Variants in TEKT4 observed in about 807,000 individuals in gnomAD.
The protein encoded by TEKT4 is tektin 4, also known as tektin-4.
TEKT4 carries 46 observed loss-of-function variants against 46.0 expected under a neutral mutation model. The observed-to-expected ratio is 1.00, with a 90% CI of 0.79 to 1.28. TEKT4 has a LOEUF of 1.28. Ranked by LOEUF, TEKT4 falls within the 50% of genes most tolerant of loss-of-function variation. The pLI is 0.00. For missense variants in TEKT4, 790 were observed against 622.9 expected, an observed-to-expected ratio of 1.27 and a Z score of -2.85; for synonymous variants, 325 against 265.8, an observed-to-expected ratio of 1.22 and a Z score of -2.17.
intron 5 of TEKT4, among the ~76,000 whole-genome samples, chr2:94,876,091 C>T (rs1553396438): frequency 6.6e-6 from 1 of 152,206 alleles, no homozygotes; most frequent in Non-Finnish European, 1.5e-5. Flanking sequence ...TCCCTGCTGC[C>T]CTGAGCGTGC....
At chr2:94,875,453 A>G in intron 4 of TEKT4, 135 bp from the exon 5 acceptor site, 1 of 1,353,114 alleles carries the variant, frequency 7.4e-7, no homozygotes, top group East Asian at 2.3e-5. Flanking sequence ...CCCCTCATCC[A>G]CGCCTCCCCA....
intron 3 of TEKT4, 23 bp from the exon 4 acceptor site, chr2:94,874,753 C>T (rs1553395784): frequency 6.5e-7 from 1 of 1,535,384 alleles, no homozygotes; most frequent in Non-Finnish European, 8.7e-7. Flanking sequence ...CCGACCCTCT[C>T]CTGGCTGTCC....
chr2:94,876,823 C>A lies in TEKT4; in HGVS notation c.*54C>A, dbSNP rs539813058. 1.2e-4 allele frequency: 177 copies of A among 1,521,496 alleles called. No homozygotes were observed. The African/African-American group carries it at 1.9e-3, about 16-fold the overall frequency. 94.2% of individuals were successfully genotyped at this position (1,521,496 alleles called of 1,614,324 possible). A position where few individuals can be genotyped will look rare whatever the true frequency, so the allele number is the denominator to read the frequency against. On this transcript the variant is annotated 3_prime_UTR_variant, in exon 6 of 6. Transcript: ENST00000295201. ...CCCAAATAAACAGCGCGTTAGCTTT[C>A]TGCACAGTGTGTGTGTGTGCACGGT...
rs146835759 is a variant in TEKT4 at position 94,874,825 on chromosome 2, C to G, written c.763C>G (p.Arg255Gly). The G allele has an allele frequency of 7.5e-6, 12 of 1,604,166 alleles. 1 individual carries two copies. The highest frequency in any genetic ancestry group is 1.7e-5 in the Admixed American group (1 of 59,102). The change falls in exon 4 of 6, where the codon CGT becomes GGT. Residue 255 changes from arginine to glycine, a missense_variant. Physicochemically the swap from Arg to Gly is moderately radical, Grantham distance 125. Coordinates refer to ENST00000295201, the MANE Select transcript of TEKT4 (RefSeq NM_144705.4). ...RAKFTQDNLC[R>G]AQRERLASAN... is the part of the protein sequence containing the mutation. Reference sequence around the variant, plus strand: ...CAAGTTCACGCAGGACAATCTGTGCCGTGCCCAGCGCGAGCGCCTGGCCTC... The same window carrying G: ...CAAGTTCACGCAGGACAATCTGTGCGGTGCCCAGCGCGAGCGCCTGGCCTC...
chr2:94,874,900 G>A lies in TEKT4; in HGVS notation c.838G>A (p.Asp280Asn), dbSNP rs1325509218. Residue 280 changes from aspartate (D) to asparagine (N), a missense_variant, in exon 4 of 6, where the codon GAC becomes AAC. Physicochemically the swap from Asp to Asn is conservative, Grantham distance 23 (BLOSUM62 1). Transcript: ENST00000295201. The part of the protein sequence containing the change: ...VDCILRDTSE[D>N]LRLQCDAVNL... The stretch of plus-strand genomic sequence containing the variant: ...CTGCATCCTTCGCGACACCTCCGAG[G>A]ACCTGCGGCTCCAGTGCGACGCCGT... 2 of 1,612,056 alleles carry A rather than the reference G, an allele frequency of 1.2e-6. No homozygotes were observed. The highest frequency in any genetic ancestry group is 1.3e-5 in the African/African-American group (1 of 75,016).
Position 94,871,479 on chromosome 2 carries a change from A to G in TEKT4, c.-101A>G. 1 of 1,401,750 alleles carries G rather than the reference A, an allele frequency of 7.1e-7. No individual in the cohort carries two copies. Among genetic ancestry groups the G allele is most frequent in the Non-Finnish European group, 9.4e-7 (1 of 1,062,848 alleles). 86.8% of individuals were successfully genotyped at this position (1,401,750 alleles called of 1,614,324 possible). ...ACTGGGAGCCGCGTCCTGCTCTGGGACTGAGCCGTTGGAGCTGCCCCGCTG... is the reference window on the plus strand; with the variant it reads ...ACTGGGAGCCGCGTCCTGCTCTGGGGCTGAGCCGTTGGAGCTGCCCCGCTG... On this transcript the variant is annotated 5_prime_UTR_variant, in exon 1 of 6. Coordinates refer to ENST00000295201, the MANE Select transcript of TEKT4 (RefSeq NM_144705.4).
In TEKT4 at chr2:94,872,029, C is replaced by G. The variant is rs782446044; in HGVS notation, c.450C>G (p.Arg150=). The change falls in exon 1 of 6, where the codon CGC becomes CGG. Residue 150 remains arginine (R), a synonymous_variant. Coordinates refer to ENST00000295201, the MANE Select transcript of TEKT4 (RefSeq NM_144705.4). ...ACAACCTGCAGTGCCGTGAGCGCCGCGAGCACCCCAACCTCGTGCGCGACC... is the reference window on the plus strand; with the variant it reads ...ACAACCTGCAGTGCCGTGAGCGCCGGGAGCACCCCAACCTCGTGCGCGACC... ...TTDNLQCRER[R]EHPNLVRDHV... 6.4e-7 allele frequency: 1 copy of G among 1,568,630 alleles called. No individual in the cohort carries two copies. The highest frequency in any genetic ancestry group is 1.2e-5 in the South Asian group (1 of 85,824).
At position 94,871,711 on chromosome 2, in the gene TEKT4, G is replaced by A; in HGVS notation, c.132G>A (p.Trp44Ter). 2 of 1,612,616 alleles carry A rather than the reference G, an allele frequency of 1.2e-6. No individual in the cohort carries two copies. The highest frequency in any genetic ancestry group is 1.7e-5 in the Admixed American group (1 of 60,034). Residue 44 changes from tryptophan (W) to a stop codon, truncating the protein, a stop_gained, in exon 1 of 6, where the codon TGG (tryptophan) becomes TGA (stop). Transcript: ENST00000295201. LOFTEE classifies it high-confidence loss of function. ...CCTCCAAGTACCTGCTGGAGGAGTG[G>A]TTCCAGAACTGCTATGCTCGCTACC... ...FRTSKYLLEE[W>*]FQNCYARYHQ...
At chr2:94,872,473 T>C (rs1680621765) in intron 1 of TEKT4, 2 of 332,296 alleles carry the variant, frequency 6.0e-6, no homozygotes, top group Non-Finnish European at 1.1e-5. Context: ...TGGGAGCCAC[T>C]GCTCCCATTC....
chr2:94,875,575 G>T lies in TEKT4; in HGVS notation c.937-13G>T. 1 of 1,614,044 alleles carries T rather than the reference G, an allele frequency of 6.2e-7. No homozygotes were observed. The highest frequency in any genetic ancestry group is 8.5e-7 in the Non-Finnish European group (1 of 1,179,916). The stretch of plus-strand genomic sequence containing the variant: ...TGGGGGCACAGGCCCAAGGAGAACT[G>T]TCCTGTCTGCAGACACTGCGGGAAA... On this transcript the variant is annotated splice_polypyrimidine_tract_variant and intron_variant, in intron 4 of 5. Transcript: ENST00000295201.
In TEKT4 at chr2:94,876,699, T is replaced by G; in HGVS notation, c.1238T>G (p.Ile413Ser). The change falls in exon 6 of 6, where the codon ATC (isoleucine) becomes AGC (serine). Residue 413 changes from isoleucine (I) to serine (S), a missense_variant. Physicochemically the swap from Ile to Ser is moderately radical, Grantham distance 142. Transcript: ENST00000295201. Reference protein sequence around the residue: ...DIAAMTNSLFIDRQKCMAHRT... With the variant: ...DIAAMTNSLFSDRQKCMAHRT... ...GCCGCCATGACCAACAGTCTCTTCA[T>G]CGACCGCCAGAAGTGCATGGCCCAT... The G allele has an allele frequency of 1.2e-6, 2 of 1,612,944 alleles. No homozygotes were observed. The highest frequency in any genetic ancestry group is 1.3e-5 in the African/African-American group (1 of 75,060).
In TEKT4 at chr2:94,876,534, ACCC is replaced by A; in HGVS notation, c.1092-14_1092-12del. 5 of 1,588,032 alleles carry A rather than the reference ACCC, an allele frequency of 3.1e-6. No individual in the cohort carries two copies. Among genetic ancestry groups the A allele is most frequent in the East Asian group, 2.3e-5 (1 of 43,678 alleles). On this transcript the variant is annotated splice_polypyrimidine_tract_variant and intron_variant, in intron 5 of 5. Transcript: ENST00000295201. ...TCTGCCCTCCCTAGCCCCGGCTCAC[ACCC>A]CCCCAACACCCCCAGGCTGTTGAGT...
Position 94,875,677 on chromosome 2 carries a change from G to A in TEKT4, c.1026G>A (p.Gln342=), listed in dbSNP as rs781944484. ...KDKEAPLHVA[Q]TRLYLRSHRP... is the part of the protein sequence containing the mutation. ...AAGAGGCACCTCTGCACGTAGCCCA[G>A]ACCCGGCTGTACCTGCGCTCGCACC... Residue 342 remains glutamine (Q), a synonymous_variant, in exon 5 of 6, where the codon CAG becomes CAA. Coordinates refer to ENST00000295201, the MANE Select transcript of TEKT4 (RefSeq NM_144705.4). The A allele has an allele frequency of 3.1e-6, 5 of 1,614,184 alleles. No homozygotes were observed. Among genetic ancestry groups the A allele is most frequent in the South Asian group, 2.2e-5 (2 of 91,080 alleles).
chr2:94,871,924 G>A lies in TEKT4; in HGVS notation c.345G>A (p.Glu115=), dbSNP rs1202229406. The part of the protein sequence containing the change: ...LQREMEALAA[E]TNLLLAQKQR... The stretch of plus-strand genomic sequence containing the variant: ...GTGAGATGGAGGCGCTGGCTGCGGA[G>A]ACCAACTTGCTCCTGGCCCAGAAGC... Residue 115 remains glutamate, a synonymous_variant, in exon 1 of 6, where the codon GAG becomes GAA. Transcript: ENST00000295201. 3 of 1,598,870 alleles carry A rather than the reference G, an allele frequency of 1.9e-6. No homozygotes were observed. The highest frequency in any genetic ancestry group is 2.7e-5 in the African/African-American group (2 of 74,828).
At chr2:94,873,446 G>A in intron 1 of TEKT4, 74 bp from the exon 2 acceptor site, 1 of 1,608,134 alleles carries the variant, frequency 6.2e-7, no homozygotes, top group South Asian at 1.1e-5. Flanking sequence ...TGTTGACCAA[G>A]GCCTGCAGCA....
rs782749990 is a variant in TEKT4 at position 94,874,784 on chromosome 2, C to A, written c.722C>A (p.Thr241Asn). The change falls in exon 4 of 6, where the codon ACC becomes AAC. Residue 241 changes from threonine to asparagine, a missense_variant. Transcript: ENST00000295201. ...TGTCCCCCGCCCCGCAGCGCCTCCA[C>A]CCCGGAGACCCGGGCCAAGTTCACG... ...YSTTFQESAS[T>N]PETRAKFTQD... is the part of the protein sequence containing the mutation. 1 of 1,580,168 alleles carries A rather than the reference C, an allele frequency of 6.3e-7. No individual in the cohort carries two copies. The highest frequency in any genetic ancestry group is 1.3e-5 in the African/African-American group (1 of 74,436).
rs530467730 is a variant in TEKT4 at position 94,873,709 on chromosome 2, G to A, written c.569+119G>A. On this transcript the variant is annotated intron_variant, in intron 2 of 5. Coordinates refer to ENST00000295201, the MANE Select transcript of TEKT4 (RefSeq NM_144705.4). The stretch of plus-strand genomic sequence containing the variant: ...CCAGCAGGGGCTGCCCCAGGTCACA[G>A]TGGAGCGCAGGACTGGGTGGGGGAG... 109 of 1,411,456 alleles carry A rather than the reference G, an allele frequency of 7.7e-5. No individual in the cohort carries two copies. The African/African-American group carries it at 1.4e-3, about 18-fold the overall frequency. 87.4% of individuals were successfully genotyped at this position (1,411,456 alleles called of 1,614,324 possible).
chr2:94,872,366 T>TC (rs551750262), intron 1 of TEKT4: 15 of 520,560 alleles, frequency 2.9e-5, no homozygotes, highest in Non-Finnish European at 5.1e-5. Context: ...ACAAGGCACC[T>TC]CCCCAGAGAC....
At chr2:94,873,196 A>C (rs113805912) in intron 1 of TEKT4, 17 of 1,254,296 alleles carry the variant, frequency 1.4e-5, no homozygotes, top group Non-Finnish European at 1.7e-5. Flanking sequence ...CCAGAGGCCA[A>C]GGGCAGGCCA....
Sources: gnomAD v4.1 joint callset for allele counts (sites outside exome capture counted in the v4.1 genomes callset) on GRCh38, gnomAD v4.1.1 for gene constraint, MANE v1.5 for transcripts, NCBI Gene and HGNC (gene_info 2026-07-23, HGNC 2026-07-21) for gene names.